ANKRD44: variants seen among roughly 807,000 people sequenced by gnomAD.
ANKRD44 encodes ankyrin repeat domain 44, also known as serine/threonine-protein phosphatase 6 regulatory ankyrin repeat subunit B.
In ANKRD44, 35 loss-of-function variants were observed where a neutral mutation model predicts 116.0. That is an observed-to-expected ratio of 0.30 (90% CI 0.23 to 0.40). The LOEUF (loss-of-function observed/expected upper bound fraction) is 0.40, where lower values mean the gene tolerates loss of function less well. ANKRD44 is among the 10% of genes least tolerant of loss of function. ANKRD44 has a pLI of 1.00. For missense variants in ANKRD44, 1,014 were observed against 1,242.6 expected, an observed-to-expected ratio of 0.82 and a Z score of 2.77; for synonymous variants, 435 against 461.8, an observed-to-expected ratio of 0.94 and a Z score of 0.74.
chr2:197,237,304 C>A lies in ANKRD44; in HGVS notation c.28-50198G>T, dbSNP rs553509122. Reference sequence around the variant, plus strand: ...AAATCATCTTTTCTAAGAACTCACCCATCTATAAATAAAACATGTTTGGAA... The same window carrying A: ...AAATCATCTTTTCTAAGAACTCACCAATCTATAAATAAAACATGTTTGGAA... On this transcript the variant is annotated intron_variant, in intron 1 of 27. Transcript: ENST00000282272. 1.8e-4 allele frequency among the ~76,000 whole-genome samples: 28 copies of A among 152,300 alleles called. 1 individual carries two copies. In the South Asian group the frequency reaches 4.4e-3, roughly 24 times the overall value.
At chr2:197,062,556 AGG>A (rs2077338977) in intron 16 of ANKRD44, among the ~76,000 whole-genome samples, 2 of 152,342 alleles carry the variant, frequency 1.3e-5, no homozygotes, top group African/African-American at 4.8e-5. Flanking sequence ...GGGAAGCGCA[AGG>A]GGTCAGGGAA....
intron 1 of ANKRD44, among the ~76,000 whole-genome samples, chr2:197,282,842 C>T (rs1018570119): frequency 6.6e-6 from 1 of 152,086 alleles, no homozygotes; most frequent in African/African-American, 2.4e-5. Flanking sequence ...CCTGTAATCC[C>T]GGGTACTCAG....
chr2:197,144,789 T>C (rs2125421346), intron 3 of ANKRD44, among the ~76,000 whole-genome samples: 1 of 152,316 alleles, frequency 6.6e-6, no homozygotes, highest in African/African-American at 2.4e-5. Flanking sequence ...GTGAAGGTGA[T>C]GTGAAACCAT....
intron 2 of ANKRD44, among the ~76,000 whole-genome samples, chr2:197,156,353 A>T (rs2079815478): frequency 6.6e-6 from 1 of 152,196 alleles, no homozygotes; most frequent in Admixed American, 6.5e-5. Context: ...CTCAAAAAAA[A>T]AAAAACAGTG....
chr2:197,078,457 T>C, intron 16 of ANKRD44: 1 of 1,069,142 alleles, frequency 9.4e-7, no homozygotes, highest in Non-Finnish European at 1.2e-6. Context: ...CTTATATCGA[T>C]GACTACCATG....
intron 16 of ANKRD44, among the ~76,000 whole-genome samples, chr2:197,043,321 T>C (rs1348570586): frequency 1.3e-5 from 2 of 152,198 alleles, no homozygotes; most frequent in African/African-American, 4.8e-5. Context: ...GTTCCTTTCT[T>C]ATTGTTCCCC....
chr2:197,211,062 A>G (rs1242923305), intron 1 of ANKRD44, among the ~76,000 whole-genome samples: 1 of 152,158 alleles, frequency 6.6e-6, no homozygotes, highest in African/African-American at 2.4e-5. Context: ...TTCTCTAATC[A>G]TATCCCACCC....
chr2:197,225,884 C>G (rs2081699734), intron 1 of ANKRD44, among the ~76,000 whole-genome samples: 1 of 152,186 alleles, frequency 6.6e-6, no homozygotes, highest in Non-Finnish European at 1.5e-5. Context: ...TGAACAAATT[C>G]TCCTAGCATA....
downstream of ANKRD44, among the ~76,000 whole-genome samples, chr2:196,982,957 C>T (rs1184437693): frequency 1.3e-5 from 2 of 152,074 alleles, no homozygotes; most frequent in African/African-American, 2.4e-5. Flanking sequence ...TGTTCTCACT[C>T]ATAAGTGGGA....
chr2:197,164,599 C>T (rs2080059338), intron 2 of ANKRD44, among the ~76,000 whole-genome samples: 1 of 152,128 alleles, frequency 6.6e-6, no homozygotes, highest in South Asian at 2.1e-4. Flanking sequence ...GCCCCCTCCC[C>T]TGCTGCTGCG....
intron 16 of ANKRD44, among the ~76,000 whole-genome samples, chr2:197,070,494 T>C (rs146592041): frequency 6.6e-6 from 1 of 152,204 alleles, no homozygotes; most frequent in Non-Finnish European, 1.5e-5. Flanking sequence ...TCTGCATTGG[T>C]TGATATAAAT....
chr2:197,048,399 C>T (rs911558948), intron 16 of ANKRD44, among the ~76,000 whole-genome samples: 1 of 152,126 alleles, frequency 6.6e-6, no homozygotes, highest in Non-Finnish European at 1.5e-5. Context: ...TCCAAGTGTT[C>T]TCATTGTTCA....
At position 197,192,636 on chromosome 2, in the gene ANKRD44, A is replaced by G. The variant is rs754465928; in HGVS notation, c.28-5530T>C. On this transcript the variant is annotated intron_variant, in intron 1 of 27. Transcript: ENST00000282272. ...GTTTTTTGTAGGAGCCAGTGCTTGC[A>G]CTTTTGTGAAAGGATAATAAAAATT... is the stretch of plus-strand genomic sequence containing the variant. Among the ~76,000 whole-genome samples the G allele has an allele frequency of 1.2e-4, 19 of 152,322 alleles. No individual in the cohort carries two copies. In the East Asian group the frequency reaches 3.1e-3, roughly 25 times the overall value.
chr2:197,063,919 G>A (rs1295799788), intron 16 of ANKRD44, among the ~76,000 whole-genome samples: 5 of 152,142 alleles, frequency 3.3e-5, no homozygotes, highest in African/African-American at 1.2e-4. Context: ...TAGCAAGGCA[G>A]GCCAACATTC....
At position 197,158,729 on chromosome 2, in the gene ANKRD44, G is replaced by A. The variant is rs143697427; in HGVS notation, c.112-11624C>T. On this transcript the variant is annotated intron_variant, in intron 2 of 27. Transcript: ENST00000282272. ...TCAGAGACATCCGGAGAGTTTAATC[G>A]ATTGGCTGAAGGTCACACAGCTCTT... Among the ~76,000 whole-genome samples, 508 of 152,220 alleles carry A rather than the reference G, an allele frequency of 3.3e-3. 5 individuals are homozygous for A. Among genetic ancestry groups the A allele is most frequent in the African/African-American group, 0.011 (457 of 41,516 alleles).
intron 10 of ANKRD44, among the ~76,000 whole-genome samples, chr2:197,091,038 AT>A (rs1466340103): frequency 6.6e-6 from 1 of 152,250 alleles, no homozygotes; most frequent in Non-Finnish European, 1.5e-5. Flanking sequence ...AAGTGCAGAT[AT>A]AAAAGGCTGT....
At chr2:196,994,109 G>C (rs2075969006) in intron 26 of ANKRD44, among the ~76,000 whole-genome samples, 1 of 152,150 alleles carries the variant, frequency 6.6e-6, no homozygotes, top group Admixed American at 6.5e-5. Flanking sequence ...AATGCACACA[G>C]ATGTTTTACT....
chr2:197,172,684 C>T (rs534096035), intron 2 of ANKRD44, among the ~76,000 whole-genome samples: 1 of 152,272 alleles, frequency 6.6e-6, no homozygotes, highest in African/African-American at 2.4e-5. Context: ...TATGCCTCAG[C>T]CTCCCAAGTA....
chr2:196,989,774 G>A, intron 27 of ANKRD44, 125 bp from the exon 28 acceptor site: 1 of 1,483,780 alleles, frequency 6.7e-7, no homozygotes, highest in Non-Finnish European at 9.0e-7. Context: ...GTTCCTTTTT[G>A]CAGTCACACT....
Sources: allele counts gnomAD v4.1 joint callset (sites outside exome capture counted in the v4.1 genomes callset), GRCh38; gene constraint gnomAD v4.1.1; transcripts MANE v1.5; gene names NCBI Gene and HGNC (gene_info 2026-07-23, HGNC 2026-07-21).